The following FRAS1 variants were observed in gnomAD, a reference collection of about 807,000 sequenced individuals.
The protein encoded by FRAS1 is extracellular matrix organizing protein FRAS1.
FRAS1 carries 290 observed loss-of-function variants against 435.2 expected under a neutral mutation model. The observed-to-expected ratio is 0.67, with a 90% CI of 0.61 to 0.73. FRAS1 has a LOEUF of 0.73. Among genes scored for constraint, FRAS1 ranks in the 30% least tolerant of loss-of-function variants. FRAS1 has a pLI of 0.00. For missense variants in FRAS1, 4,860 were observed against 5,001.5 expected (o/e 0.97, Z 0.85); for synonymous variants, 1,800 against 1,851.0 (o/e 0.97, Z 0.71).
intron 64 of FRAS1, among the ~76,000 whole-genome samples, chr4:78,511,921 C>T (rs1361039128): frequency 1.3e-5 from 2 of 152,206 alleles, no homozygotes; most frequent in Non-Finnish European, 2.9e-5. Flanking sequence ...GAGGCTTCCC[C>T]TCCTGGCTTC....
Position 78,464,798 on chromosome 4 carries a change from C to T in FRAS1, c.7029+215C>T, listed in dbSNP as rs149858617. 2.6e-5 allele frequency among the ~76,000 whole-genome samples: 4 copies of T among 152,272 alleles called. No homozygotes were observed. The East Asian group carries it at 5.8e-4, about 22-fold the overall frequency. On this transcript the variant is annotated intron_variant, in intron 49 of 73. Transcript: ENST00000512123. ...ATTGTTTTTAAACCCTTTCTGAAAA[C>T]CTAAATACATCCATCCTCTCCCTTG...
rs763075309 is a variant in FRAS1, at chr4:78,464,190, C to T, written c.6888+45C>T. The T allele has an allele frequency of 5.2e-5, 82 of 1,576,672 alleles. 1 individual carries two copies. The highest frequency in any genetic ancestry group is 1.6e-4 in the South Asian group (14 of 85,588). Reference sequence around the variant, plus strand: ...CCATCCTTGAAAAGTATTGATTCCTCGCCATCTTCTTTGAGTGGAGTAGGC... The same window carrying T: ...CCATCCTTGAAAAGTATTGATTCCTTGCCATCTTCTTTGAGTGGAGTAGGC... On this transcript the variant is annotated intron_variant, in intron 48 of 73. Coordinates refer to ENST00000512123, the MANE Select transcript of FRAS1 (RefSeq NM_025074.7).
At chr4:78,413,448 G>T (rs1733429794) in intron 32 of FRAS1, among the ~76,000 whole-genome samples, 2 of 152,158 alleles carry the variant, frequency 1.3e-5, no homozygotes, top group Admixed American at 6.6e-5. Flanking sequence ...ACCTAGCAGA[G>T]AAATTATTAT....
intron 6 of FRAS1, among the ~76,000 whole-genome samples, chr4:78,258,197 C>T (rs781305543): frequency 2.8e-4 from 43 of 151,966 alleles, no homozygotes; most frequent in Admixed American, 3.9e-4. Context: ...AAAACTTAGC[C>T]GGACATGATG....
intron 2 of FRAS1, among the ~76,000 whole-genome samples, chr4:78,118,355 G>T (rs943274385): frequency 6.6e-6 from 1 of 152,108 alleles, no homozygotes; most frequent in Non-Finnish European, 1.5e-5. Context: ...TCTCCTCAAC[G>T]CTGTCAGACA....
At chr4:78,102,038 A>G (rs1742159239) in intron 2 of FRAS1, among the ~76,000 whole-genome samples, 2 of 152,238 alleles carry the variant, frequency 1.3e-5, no homozygotes, top group Admixed American at 6.5e-5. Context: ...TTACAGGTTT[A>G]TATCAATACC....
At chr4:78,306,937 C>T (rs1449200866) in intron 14 of FRAS1, among the ~76,000 whole-genome samples, 1 of 152,192 alleles carries the variant, frequency 6.6e-6, no homozygotes, top group Non-Finnish European at 1.5e-5. Flanking sequence ...GGAGGAGAGG[C>T]ACTCTGCTTT....
At chr4:78,449,377 C>T (rs1159179441) in intron 44 of FRAS1, among the ~76,000 whole-genome samples, 2 of 152,156 alleles carry the variant, frequency 1.3e-5, no homozygotes, top group East Asian at 3.9e-4. Flanking sequence ...CCTCATCCCT[C>T]AAGGTTGCTC....
chr4:78,463,361 G>T (rs1482539897), intron 47 of FRAS1, among the ~76,000 whole-genome samples: 1 of 152,096 alleles, frequency 6.6e-6, no homozygotes, highest in Non-Finnish European at 1.5e-5. Flanking sequence ...TGTTATTAAA[G>T]GATATTGTTT....
At chr4:78,151,455 TAAAC>T (rs1363317453) in intron 2 of FRAS1, among the ~76,000 whole-genome samples, 1 of 152,176 alleles carries the variant, frequency 6.6e-6, no homozygotes, top group Non-Finnish European at 1.5e-5. Context: ...AGTTAGTTGT[TAAAC>T]AATCTGGTGA....
intron 29 of FRAS1, among the ~76,000 whole-genome samples, chr4:78,393,287 A>G (rs2110337678): frequency 6.6e-6 from 1 of 152,170 alleles, no homozygotes; most frequent in Admixed American, 6.5e-5. Context: ...AGTCATAGGC[A>G]CTATGCTATA....
intron 2 of FRAS1, among the ~76,000 whole-genome samples, chr4:78,087,912 T>C (rs1161021828): frequency 6.6e-6 from 1 of 152,120 alleles, no homozygotes; most frequent in Non-Finnish European, 1.5e-5. Flanking sequence ...CTTCACAGAA[T>C]TGGAAAAAAC....
At chr4:78,184,414 AT>A (rs200875577) in intron 2 of FRAS1, among the ~76,000 whole-genome samples, 1,814 of 151,856 alleles carry the variant, frequency 0.012, 45 homozygotes, top group African/African-American at 0.042. Flanking sequence ...GATACAAAAT[AT>A]TTTTTTTTCC....
intron 1 of FRAS1, among the ~76,000 whole-genome samples, chr4:78,059,347 C>G (rs1427864785): frequency 1.3e-5 from 2 of 152,092 alleles, no homozygotes; most frequent in Non-Finnish European, 2.9e-5. Context: ...GGGACTTTCC[C>G]GTGGGTCCAG....
chr4:78,290,389 G>A (rs1727829749), intron 14 of FRAS1, among the ~76,000 whole-genome samples: 1 of 152,138 alleles, frequency 6.6e-6, no homozygotes, highest in Admixed American at 6.5e-5. Context: ...TGGCCCCAGT[G>A]GTTAAGAGCT....
At chr4:78,386,954 T>G (rs1732239623) in intron 28 of FRAS1, among the ~76,000 whole-genome samples, 1 of 152,098 alleles carries the variant, frequency 6.6e-6, no homozygotes, top group Admixed American at 6.5e-5. Context: ...CAGCATGAGC[T>G]CAGGATGCAA....
intron 6 of FRAS1, among the ~76,000 whole-genome samples, chr4:78,259,494 A>T (rs1725970051): frequency 2.0e-5 from 3 of 151,846 alleles, no homozygotes; most frequent in Admixed American, 2.0e-4. Context: ...TTTTGGCTGC[A>T]TAAATGTCTT....
chr4:78,129,735 C>A (rs544735396), intron 2 of FRAS1, among the ~76,000 whole-genome samples: 1 of 152,152 alleles, frequency 6.6e-6, no homozygotes, highest in Non-Finnish European at 1.5e-5. Flanking sequence ...AAATTGACCT[C>A]CTCACCTTCT....
intron 2 of FRAS1, among the ~76,000 whole-genome samples, chr4:78,201,659 G>T (rs1348014204): frequency 6.6e-6 from 1 of 152,158 alleles, no homozygotes; most frequent in Non-Finnish European, 1.5e-5. Context: ...TCTGAAATTT[G>T]TAATATTAAA....
Sources: gnomAD v4.1 joint callset for allele counts (sites outside exome capture counted in the v4.1 genomes callset) on GRCh38, gnomAD v4.1.1 for gene constraint, MANE v1.5 for transcripts, NCBI Gene and HGNC (gene_info 2026-07-23, HGNC 2026-07-21) for gene names.